TANC1: variants seen among roughly 807,000 people sequenced by gnomAD.
The protein encoded by TANC1 is tetratricopeptide repeat, ankyrin repeat and coiled-coil containing 1, also known as protein TANC1.
TANC1 carries 77 observed loss-of-function variants against 149.7 expected under a neutral mutation model. The ratio of observed to expected loss-of-function variants is 0.51; its 90% CI spans 0.43 to 0.62. The LOEUF (loss-of-function observed/expected upper bound fraction) is 0.62. Ranked by LOEUF, TANC1 falls within the 20% of genes least tolerant of loss-of-function variation. The pLI is 0.00. For missense variants in TANC1, 1,985 were observed against 2,321.8 expected (o/e 0.85, Z 2.98); for synonymous variants, 854 against 925.0 (o/e 0.92, Z 1.39).
At chr2:159,206,808 A>G (rs1286457904) in intron 19 of TANC1, among the ~76,000 whole-genome samples, 1 of 152,162 alleles carries the variant, frequency 6.6e-6, no homozygotes, top group East Asian at 1.9e-4. Context: ...GTGTCCTGGC[A>G]TGTAATGAAG....
chr2:159,093,506 T>C lies in TANC1; in HGVS notation c.62-4131T>C, dbSNP rs558579313. Among the ~76,000 whole-genome samples, 5 of 152,328 alleles carry C rather than the reference T, an allele frequency of 3.3e-5. No homozygotes were observed. In the South Asian group the frequency reaches 1.0e-3, roughly 32 times the overall value. On this transcript the variant is annotated intron_variant, in intron 3 of 26. Coordinates refer to ENST00000263635, the MANE Select transcript of TANC1 (RefSeq NM_033394.3). ...TCGTGATGCTTTCTTTGTTTGACCG[T>C]ATTCCCCTTGCCCTTGTGCAGTTAA...
intron 2 of TANC1, chr2:159,026,909 T>C (rs886737288): frequency 5.9e-5 from 9 of 152,194 alleles, no homozygotes; most frequent in Non-Finnish European, 1.5e-5. Context: ...ATCTCTGAAA[T>C]GGCAGGGGTC....
At position 159,175,024 on chromosome 2, in the gene TANC1, C is replaced by T. The variant is rs779718936; in HGVS notation, c.1575C>T (p.Ile525=). 34 of 1,614,054 alleles carry T rather than the reference C, an allele frequency of 2.1e-5. No homozygotes were observed. The highest frequency in any genetic ancestry group is 3.3e-5 in the South Asian group (3 of 91,086). Residue 525 remains isoleucine (I), a synonymous_variant, in exon 12 of 27, where the codon ATC becomes ATT. Coordinates refer to ENST00000263635, the MANE Select transcript of TANC1 (RefSeq NM_033394.3). ...TCLVPEFVHS[I]AALLCRSHQL... ...TGGTGCCCGAGTTTGTGCACAGCAT[C>T]GCAGCTTTGCTCTGCCGGTCCCATC... is the stretch of plus-strand genomic sequence containing the variant.
intron 7 of TANC1, among the ~76,000 whole-genome samples, chr2:159,156,662 G>C (rs190860063): frequency 6.6e-6 from 1 of 152,352 alleles, no homozygotes; most frequent in Admixed American, 6.5e-5. Context: ...GATGTATGCT[G>C]TGGGCGCATA....
rs149647306 is a variant in TANC1 at position 159,003,907 on chromosome 2, T to A, written c.-16+2718T>A. 65 of 1,612,902 alleles carry A rather than the reference T, an allele frequency of 4.0e-5. 1 individual carries two copies. The East Asian group carries it at 1.2e-3, about 30-fold the overall frequency. On this transcript the variant is annotated intron_variant, in intron 2 of 26. Coordinates refer to ENST00000263635, the MANE Select transcript of TANC1 (RefSeq NM_033394.3). ...TCCAGATAGGGGGCAAGGATACAGC[T>A]CGCAGAAAGAAGAAGGTGGTACATA... is the stretch of plus-strand genomic sequence containing the variant.
At position 159,216,368 on chromosome 2, in the gene TANC1, A is replaced by G. The variant is rs535047207; in HGVS notation, c.3245-1129A>G. 3.3e-5 allele frequency among the ~76,000 whole-genome samples: 5 copies of G among 152,266 alleles called. No individual in the cohort carries two copies. The East Asian group carries it at 7.7e-4, about 24-fold the overall frequency. On this transcript the variant is annotated intron_variant, in intron 19 of 26. Transcript: ENST00000263635. ...GAGCCATCCCAGGCACGTGCTGGGA[A>G]TAGAGCCAGGGTGCTGTGCTCCATC...
At chr2:159,224,197 C>T (rs749963882) in intron 22 of TANC1, 35 bp from the exon 23 acceptor site, 3 of 1,612,660 alleles carry the variant, frequency 1.9e-6, no homozygotes, top group African/African-American at 2.7e-5. Flanking sequence ...AACTCCTGTT[C>T]CCAGCTGCTG....
At chr2:159,217,669 T>TG in intron 20 of TANC1, 39 bp downstream of exon 20, 1 of 1,609,492 alleles carries the variant, frequency 6.2e-7, no homozygotes, top group Non-Finnish European at 8.5e-7. Flanking sequence ...AAGCAATGAG[T>TG]GGGGATGGAG....
Position 159,229,947 on chromosome 2 carries a change from G to A in TANC1, c.4521G>A (p.Arg1507=). 6.2e-7 allele frequency: 1 copy of A among 1,614,076 alleles called. No homozygotes were observed. Among genetic ancestry groups the A allele is most frequent in the South Asian group, 1.1e-5 (1 of 91,086 alleles). The change falls in exon 27 of 27, where the codon AGG becomes AGA. Residue 1507 remains arginine, a synonymous_variant. Coordinates refer to ENST00000263635, the MANE Select transcript of TANC1 (RefSeq NM_033394.3). ...SKGRPVSPQS[R]AGIGKSLREP... ...GAAGGCCGGTATCGCCACAGAGCAG[G>A]GCAGGAATCGGCAAGTCCCTGAGAG... is the stretch of plus-strand genomic sequence containing the variant.
intron 2 of TANC1, among the ~76,000 whole-genome samples, chr2:159,034,659 A>C (rs1004105489): frequency 2.0e-5 from 3 of 152,286 alleles, no homozygotes; most frequent in South Asian, 2.1e-4. Flanking sequence ...GTATGTTTTA[A>C]TGCCTTTTGC....
At chr2:158,976,964 A>G (rs566720554) in intron 1 of TANC1, among the ~76,000 whole-genome samples, 1 of 152,264 alleles carries the variant, frequency 6.6e-6, no homozygotes, top group East Asian at 1.9e-4. Flanking sequence ...TTTGACTCCC[A>G]TCCTTTAAAA....
chr2:159,136,127 C>G (rs532863822), intron 4 of TANC1, 67 bp from the exon 5 acceptor site: 3 of 972,948 alleles, frequency 3.1e-6, no homozygotes, highest in Admixed American at 1.7e-5. Flanking sequence ...AGGACACACA[C>G]TGTACATTCC....
chr2:158,990,010 G>A (rs942285558), intron 1 of TANC1, among the ~76,000 whole-genome samples: 3 of 152,012 alleles, frequency 2.0e-5, no homozygotes, highest in Non-Finnish European at 4.4e-5. Flanking sequence ...CCACCTCCCG[G>A]GTTCAAGCGA....
intron 2 of TANC1, among the ~76,000 whole-genome samples, chr2:159,020,545 C>T (rs1003946762): frequency 5.9e-5 from 9 of 151,964 alleles, no homozygotes; most frequent in South Asian, 4.2e-4. Context: ...CAATAACAGC[C>T]GCAGCATTTA....
rs1310324881 is a variant in TANC1 at position 159,152,042 on chromosome 2, T to C, written c.682+1486T>C. 2.0e-5 allele frequency among the ~76,000 whole-genome samples: 3 copies of C among 152,216 alleles called. No individual in the cohort carries two copies. In the East Asian group the frequency reaches 5.8e-4, roughly 29 times the overall value. ...TCCTAGTCAACCAGTAATCTATTAA[T>C]CTTTCTGTCTCTGTAGCTTATTCTG... On this transcript the variant is annotated intron_variant, in intron 7 of 26. Transcript: ENST00000263635.
intron 4 of TANC1, among the ~76,000 whole-genome samples, chr2:159,105,597 C>G (rs1021949062): frequency 1.3e-5 from 2 of 152,118 alleles, no homozygotes; most frequent in African/African-American, 2.4e-5. Context: ...CTCTATACCC[C>G]GCAAAAGACA....
intron 25 of TANC1, chr2:159,228,173 A>G (rs1266484049): frequency 1.7e-6 from 1 of 571,474 alleles, no homozygotes; most frequent in East Asian, 3.1e-5. Context: ...TGTTGAAGGA[A>G]TGCACTTGGG....
rs187905944 is a variant in TANC1, at chr2:159,102,967, C to G, written c.259+5133C>G. Among the ~76,000 whole-genome samples the G allele has an allele frequency of 9.8e-3, 899 of 92,148 alleles. 176 individuals are homozygous for G. Among genetic ancestry groups the G allele is most frequent in the African/African-American group, 0.026 (869 of 33,438 alleles). 60.5% of individuals were successfully genotyped at this position (92,148 alleles called of 152,430 possible). A position where few individuals can be genotyped will look rare whatever the true frequency, so the allele number is the denominator to read the frequency against. Reference sequence around the variant, plus strand: ...TCTCCTGATCCCACGATCCGCCCACCTTGGCCTCCCAGAGTGCTGGGATTA... The same window carrying G: ...TCTCCTGATCCCACGATCCGCCCACGTTGGCCTCCCAGAGTGCTGGGATTA... On this transcript the variant is annotated intron_variant, in intron 4 of 26. Transcript: ENST00000263635.
At chr2:159,216,293 C>T (rs1490264409) in intron 19 of TANC1, among the ~76,000 whole-genome samples, 1 of 152,160 alleles carries the variant, frequency 6.6e-6, no homozygotes, top group African/African-American at 2.4e-5. Flanking sequence ...AGAAGACTTC[C>T]CTATTCTGGA....
Sources: allele counts gnomAD v4.1 joint callset (sites outside exome capture counted in the v4.1 genomes callset), GRCh38; gene constraint gnomAD v4.1.1; transcripts MANE v1.5; gene names NCBI Gene and HGNC (gene_info 2026-07-23, HGNC 2026-07-21).